Variants in ATP9B observed in about 807,000 individuals in gnomAD.
ATP9B encodes probable phospholipid-transporting ATPase IIB.
In ATP9B, 110 loss-of-function variants were observed where a neutral mutation model predicts 146.1. The ratio of observed to expected loss-of-function variants is 0.75; its 90% confidence interval spans 0.65 to 0.88. The LOEUF is 0.88. Ranked by LOEUF, ATP9B falls within the 40% of genes least tolerant of loss-of-function variation. ATP9B has a pLI of 0.00. For synonymous variants in ATP9B, 604 were observed against 569.7 expected (o/e 1.06, Z -0.86); for missense variants, 1,499 against 1,496.4 (o/e 1.00, Z -0.03).
Position 79,113,272 on chromosome 18 carries a change from A to G in ATP9B, c.476A>G (p.Asn159Ser). Residue 159 changes from asparagine to serine, a missense_variant, in exon 4 of 30, where the codon AAT becomes AGT. Coordinates refer to ENST00000426216, the MANE Select transcript of ATP9B (RefSeq NM_198531.5). ...TATGAACAATTCAAGTTTTTCTTGA[A>G]TCTCTATTTTCTAGTAATATCCTGC... ...VLYEQFKFFLNLYFLVISCSQ... is the reference protein window; with the variant it reads ...VLYEQFKFFLSLYFLVISCSQ... 6.3e-7 allele frequency: 1 copy of G among 1,598,018 alleles called. No homozygotes were observed. The highest frequency in any genetic ancestry group is 8.6e-7 in the Non-Finnish European group (1 of 1,168,360).
chr18:79,375,496 C>G, intron 29 of ATP9B, 70 bp downstream of exon 29: 1 of 1,565,962 alleles, frequency 6.4e-7, no homozygotes, highest in South Asian at 1.1e-5. Flanking sequence ...AGATACTTAA[C>G]TAATAAGAAA....
chr18:79,126,441 A>C, intron 5 of ATP9B, 66 bp downstream of exon 5: 1 of 1,084,660 alleles, frequency 9.2e-7, no homozygotes. Context: ...GAGTTAACAT[A>C]ACAAATGTAT....
chr18:79,225,236 G>C (rs1191665229), intron 11 of ATP9B, among the ~76,000 whole-genome samples: 1 of 152,146 alleles, frequency 6.6e-6, no homozygotes, highest in East Asian at 1.9e-4. Flanking sequence ...ATTGACATTA[G>C]AGTAGAAACT....
chr18:79,154,556 GT>G lies in ATP9B; in HGVS notation c.778+2del. ...TTTCTTAGGACTTCAGAAAAAGCAG[GT>G]ATTTTTACATTTAAAAAAACTTACC... On this transcript the variant is annotated splice_donor_variant, in intron 7 of 29. Transcript: ENST00000426216. LOFTEE classifies it high-confidence loss of function. The G allele has an allele frequency of 6.6e-7, 1 of 1,514,524 alleles. No homozygotes were observed. Among genetic ancestry groups the G allele is most frequent in the Non-Finnish European group, 8.8e-7 (1 of 1,136,314 alleles). 93.8% of individuals were successfully genotyped at this position (1,514,524 alleles called of 1,614,324 possible). A position where few individuals can be genotyped will look rare whatever the true frequency, so the allele number is the denominator to read the frequency against.
chr18:79,367,905 G>A (rs974340103), intron 26 of ATP9B, among the ~76,000 whole-genome samples: 8 of 152,256 alleles, frequency 5.3e-5, no homozygotes, highest in African/African-American at 1.7e-4. Flanking sequence ...AGAGGCGCTG[G>A]CCAGATCACA....
chr18:79,196,323 A>G (rs2095417353), intron 9 of ATP9B, among the ~76,000 whole-genome samples: 1 of 152,222 alleles, frequency 6.6e-6, no homozygotes, highest in Non-Finnish European at 1.5e-5. Context: ...TGGCTGATAG[A>G]TGACCTGGGT....
intron 12 of ATP9B, among the ~76,000 whole-genome samples, chr18:79,263,260 C>A (rs979390239): frequency 9.9e-5 from 15 of 152,218 alleles, no homozygotes; most frequent in African/African-American, 3.6e-4. Context: ...GGTTCCAGCA[C>A]CCTCCATGGA....
At chr18:79,327,456 A>ATGGTTAGCGTGTTCTCCG (rs1435103330) in intron 15 of ATP9B, among the ~76,000 whole-genome samples, 116 of 144,482 alleles carry the variant, frequency 8.0e-4, no homozygotes, top group African/African-American at 2.8e-3. Flanking sequence ...TGTGCTCCCC[A>ATGGTTAGCGTGTTCTCCG]TGGTTAGCGT....
intron 29 of ATP9B, among the ~76,000 whole-genome samples, chr18:79,376,788 G>A (rs1438749496): frequency 1.3e-5 from 2 of 148,302 alleles, no homozygotes; most frequent in Admixed American, 6.8e-5. Flanking sequence ...TCCACCTCCC[G>A]GGTTCAAGCA....
chr18:79,321,504 C>T (rs1297946774), intron 15 of ATP9B, among the ~76,000 whole-genome samples: 1 of 152,062 alleles, frequency 6.6e-6, no homozygotes, highest in Non-Finnish European at 1.5e-5. Flanking sequence ...TGCCTCAGCC[C>T]CCCAAATAGC....
intron 7 of ATP9B, among the ~76,000 whole-genome samples, chr18:79,156,042 G>A (rs1454925840): frequency 4.6e-5 from 7 of 152,262 alleles, no homozygotes; most frequent in South Asian, 2.1e-4. Context: ...GATTACAGAC[G>A]TGAGTCACTG....
chr18:79,336,808 C>T (rs894542097), intron 18 of ATP9B, 97 bp downstream of exon 18: 12 of 1,301,044 alleles, frequency 9.2e-6, no homozygotes, highest in Middle Eastern at 1.8e-4. Context: ...GAGCTGGGAT[C>T]GCTATAGTCT....
intron 15 of ATP9B, among the ~76,000 whole-genome samples, chr18:79,327,646 C>CGTGCTCTCCGTGTTT (rs1242877078): frequency 0.082 from 10,056 of 122,994 alleles, 3,278 homozygotes; most frequent in Middle Eastern, 0.14. Context: ...CCCTGGTTAG[C>CGTGCTCTCCGTGTTT]ATGCTCTCCG....
chr18:79,231,558 C>T (rs964401038), intron 11 of ATP9B, among the ~76,000 whole-genome samples: 1 of 152,010 alleles, frequency 6.6e-6, no homozygotes, highest in Non-Finnish European at 1.5e-5. Context: ...ACTAGTACAA[C>T]CACTATGGAA....
chr18:79,090,071 G>A (rs984474362), intron 1 of ATP9B, among the ~76,000 whole-genome samples: 2 of 152,026 alleles, frequency 1.3e-5, no homozygotes, highest in Admixed American at 6.6e-5. Context: ...ATGTCCTTTT[G>A]TTCCATTGAT....
chr18:79,375,440 T>A lies in ATP9B; in HGVS notation c.3307+14T>A. The A allele has an allele frequency of 6.2e-7, 1 of 1,611,534 alleles. No individual in the cohort carries two copies. Among genetic ancestry groups the A allele is most frequent in the South Asian group, 1.1e-5 (1 of 90,998 alleles). ...GAGCTTTCTTAGGTAGGTAAAGTTATCATTTCTTTCAAAAGTGTAGAAATT... is the reference window on the plus strand; with the variant it reads ...GAGCTTTCTTAGGTAGGTAAAGTTAACATTTCTTTCAAAAGTGTAGAAATT... On this transcript the variant is annotated intron_variant, in intron 29 of 29. Coordinates refer to ENST00000426216, the MANE Select transcript of ATP9B (RefSeq NM_198531.5).
rs1216690973 is a variant in ATP9B, at chr18:79,213,951, T to C, written c.1031-11T>C. ...AGTATTTCTACAAGGACCACTTTCA[T>C]GTTTTTGCAGGTACTGTAATAGGTG... is the stretch of plus-strand genomic sequence containing the variant. On this transcript the variant is annotated splice_polypyrimidine_tract_variant and intron_variant, in intron 10 of 29. Transcript: ENST00000426216. The C allele has an allele frequency of 1.9e-6, 3 of 1,584,788 alleles. No individual in the cohort carries two copies. Among genetic ancestry groups the C allele is most frequent in the Non-Finnish European group, 2.6e-6 (3 of 1,168,904 alleles).
chr18:79,201,413 C>T (rs2095486710), intron 9 of ATP9B, among the ~76,000 whole-genome samples: 1 of 152,084 alleles, frequency 6.6e-6, no homozygotes, highest in African/African-American at 2.4e-5. Flanking sequence ...ATACATAAGA[C>T]AAAATATCTT....
chr18:79,164,720 AAAAAT>A (rs1190775740), intron 7 of ATP9B, among the ~76,000 whole-genome samples: 4 of 152,184 alleles, frequency 2.6e-5, no homozygotes, highest in South Asian at 2.1e-4. Context: ...CTCCATCTCA[AAAAAT>A]AAAATAAAAT....
Sources: allele counts gnomAD v4.1 joint callset (sites outside exome capture counted in the v4.1 genomes callset), GRCh38; gene constraint gnomAD v4.1.1; transcripts MANE v1.5; gene names NCBI Gene and HGNC (gene_info 2026-07-23, HGNC 2026-07-21).